LGR6: variants seen among roughly 807,000 people sequenced by gnomAD.
LGR6 encodes the protein leucine-rich repeat-containing G protein-coupled receptor 6.
Under a neutral mutation model 69.4 loss-of-function variants are expected in LGR6, and 45 were observed. The observed-to-expected ratio is 0.65, with a 90% confidence interval of 0.51 to 0.83. LGR6 has a LOEUF of 0.83. Ranked by LOEUF, LGR6 falls within the 40% of genes least tolerant of loss-of-function variation. The probability of loss-of-function intolerance (pLI) is 0.00; values close to 1 mark genes in which losing one functional copy is unlikely to be tolerated. For missense variants in LGR6, 1,108 were observed against 1,246.7 expected, an observed-to-expected ratio of 0.89 and a Z score of 1.68; for synonymous variants, 538 against 555.0, an observed-to-expected ratio of 0.97 and a Z score of 0.43.
chr1:202,228,013 T>G lies in LGR6; in HGVS notation c.356+6T>G, dbSNP rs888180492. 2 of 1,599,032 alleles carry G rather than the reference T, an allele frequency of 1.3e-6. No homozygotes were observed. Among genetic ancestry groups the G allele is most frequent in the Non-Finnish European group, 1.7e-6 (2 of 1,166,336 alleles). On this transcript the variant is annotated splice_donor_region_variant and intron_variant, in intron 3 of 17. Coordinates refer to ENST00000367278, the MANE Select transcript of LGR6 (RefSeq NM_001017403.2). ...CTCTACAGCCTGAAAATCCTGTAAG[T>G]ATAGGTACACCTCATTTTACATAGA...
At chr1:202,229,301 C>T (rs1660818476) in intron 3 of LGR6, among the ~76,000 whole-genome samples, 1 of 152,190 alleles carries the variant, frequency 6.6e-6, no homozygotes, top group South Asian at 2.1e-4. Flanking sequence ...TCTCCCCCTT[C>T]TCCTTCTCCC....
At chr1:202,196,200 G>A (rs7541739) in intron 1 of LGR6, among the ~76,000 whole-genome samples, 2 of 152,122 alleles carry the variant, frequency 1.3e-5, no homozygotes, top group African/African-American at 4.8e-5. Context: ...GCAGAGGACC[G>A]TGTCCCCTGC....
chr1:202,238,993 C>A (rs1024753355), intron 4 of LGR6, among the ~76,000 whole-genome samples: 2 of 151,814 alleles, frequency 1.3e-5, no homozygotes, highest in Non-Finnish European at 2.9e-5. Context: ...CGTCAGCCCC[C>A]AAAATGGCGT....
chr1:202,213,623 G>A (rs989961039), intron 1 of LGR6, among the ~76,000 whole-genome samples: 1 of 152,176 alleles, frequency 6.6e-6, no homozygotes, highest in Non-Finnish European at 1.5e-5. Flanking sequence ...CCACCAGGAG[G>A]GGCTCTGTTG....
At chr1:202,207,201 G>A (rs923229430) in intron 1 of LGR6, among the ~76,000 whole-genome samples, 2 of 152,206 alleles carry the variant, frequency 1.3e-5, no homozygotes, top group Admixed American at 1.3e-4. Context: ...ACAGGTGTGA[G>A]CCACTGTGCC....
intron 1 of LGR6, among the ~76,000 whole-genome samples, chr1:202,207,137 G>A (rs1017234997): frequency 3.3e-5 from 5 of 152,166 alleles, no homozygotes; most frequent in Admixed American, 6.5e-5. Flanking sequence ...GGCTGGTCTC[G>A]AACTCCTGAC....
chr1:202,281,126 A>T (rs560816008), intron 6 of LGR6: 12 of 399,382 alleles, frequency 3.0e-5, no homozygotes, highest in African/African-American at 2.3e-4. Flanking sequence ...GGCAGAGACC[A>T]CCAAAATAAT....
At chr1:202,296,905 T>C (rs998108122) in intron 6 of LGR6, among the ~76,000 whole-genome samples, 2 of 152,204 alleles carry the variant, frequency 1.3e-5, no homozygotes, top group Non-Finnish European at 2.9e-5. Flanking sequence ...TCTTGCCAAC[T>C]TGGGTTGCTA....
intron 6 of LGR6, among the ~76,000 whole-genome samples, chr1:202,290,321 A>G (rs546644065): frequency 6.6e-6 from 1 of 152,368 alleles, no homozygotes; most frequent in South Asian, 2.1e-4. Context: ...TCTAACTTCC[A>G]AATCATAATT....
In LGR6 at chr1:202,193,995, C is replaced by G; in HGVS notation, c.6C>G (p.Pro2=). The G allele has an allele frequency of 7.3e-7, 1 of 1,373,710 alleles. No homozygotes were observed. The allele number at this position is 1,373,710 out of a possible 1,614,324, so 85.1% of individuals were successfully genotyped here. A position where few individuals can be genotyped will look rare whatever the true frequency, so the allele number is the denominator to read the frequency against. The change falls in exon 1 of 18, where the codon CCC becomes CCG. Residue 2 remains proline (P), a synonymous_variant. Transcript: ENST00000367278. M[P]SPPGLRALWL... is the part of the protein sequence containing the mutation. ...CCAGTAGCCCGACCGCCGAGATGCC[C>G]AGCCCGCCGGGGCTCCGGGCGCTAT...
At position 202,318,828 on chromosome 1, in the gene LGR6, G is replaced by C. The variant is rs530370274; in HGVS notation, c.2525G>C (p.Arg842Pro). 4 of 1,613,154 alleles carry C rather than the reference G, an allele frequency of 2.5e-6. No individual in the cohort carries two copies. Among genetic ancestry groups the C allele is most frequent in the Non-Finnish European group, 3.4e-6 (4 of 1,179,656 alleles). The change falls in exon 18 of 18, where the codon CGG becomes CCG. Residue 842 changes from arginine (R) to proline (P), a missense_variant. By Grantham distance (103) the Arg-to-Pro change is moderately radical (BLOSUM62 -2). Coordinates refer to ENST00000367278, the MANE Select transcript of LGR6 (RefSeq NM_001017403.2). Reference protein sequence around the residue: ...PHFRDDLRRLRPRAGDSGPLA... With the variant: ...PHFRDDLRRLPPRAGDSGPLA... ...TTCCGGGATGACCTTCGGCGGCTTC[G>C]GCCCCGCGCAGGGGACTCAGGGCCC...
At chr1:202,273,751 C>T (rs761146176) in intron 4 of LGR6, among the ~76,000 whole-genome samples, 4 of 152,108 alleles carry the variant, frequency 2.6e-5, no homozygotes, top group Non-Finnish European at 4.4e-5. Context: ...CTACCGTGCC[C>T]GGTCATCAAT....
intron 4 of LGR6, among the ~76,000 whole-genome samples, chr1:202,243,093 C>T (rs1662346615): frequency 6.6e-6 from 1 of 152,052 alleles, no homozygotes; most frequent in Non-Finnish European, 1.5e-5. Flanking sequence ...CGCATTTAAC[C>T]AGGGTGCTGG....
chr1:202,203,501 T>C (rs1047477638), intron 1 of LGR6, among the ~76,000 whole-genome samples: 3 of 152,204 alleles, frequency 2.0e-5, no homozygotes, highest in Non-Finnish European at 4.4e-5. Flanking sequence ...TAACCAATGA[T>C]AGTGCCACTT....
At chr1:202,260,088 G>A (rs904815827) in intron 4 of LGR6, among the ~76,000 whole-genome samples, 1 of 152,140 alleles carries the variant, frequency 6.6e-6, no homozygotes, top group South Asian at 2.1e-4. Flanking sequence ...TCACTCTGTC[G>A]TCCCGGCTGG....
chr1:202,233,734 G>A (rs916355553), intron 3 of LGR6, among the ~76,000 whole-genome samples: 1 of 152,196 alleles, frequency 6.6e-6, no homozygotes, highest in African/African-American at 2.4e-5. Context: ...AATGATAATT[G>A]ATAGTATCAG....
At chr1:202,273,407 T>C (rs933949943) in intron 4 of LGR6, among the ~76,000 whole-genome samples, 11 of 151,720 alleles carry the variant, frequency 7.3e-5, no homozygotes, top group Non-Finnish European at 8.8e-5. Flanking sequence ...GGCCCCTCCC[T>C]GGCCCCACAT....
intron 4 of LGR6, among the ~76,000 whole-genome samples, chr1:202,246,369 C>T: frequency 3.3e-5 from 1 of 29,964 alleles, no homozygotes; most frequent in Admixed American, 4.1e-4. Flanking sequence ...TTCCATCCCC[C>T]CTCCCTCCAT....
At chr1:202,242,543 A>G (rs1662301006) in intron 4 of LGR6, among the ~76,000 whole-genome samples, 1 of 152,196 alleles carries the variant, frequency 6.6e-6, no homozygotes. Context: ...TAATGGGGTT[A>G]CTGGCTCTGC....
Sources: gnomAD v4.1 joint callset for allele counts (sites outside exome capture counted in the v4.1 genomes callset) on GRCh38, gnomAD v4.1.1 for gene constraint, MANE v1.5 for transcripts, NCBI Gene and HGNC (gene_info 2026-07-23, HGNC 2026-07-21) for gene names.